SLC35F3: variants seen among roughly 807,000 people sequenced by gnomAD.
SLC35F3 encodes the protein putative thiamine transporter SLC35F3.
Under a neutral mutation model 49.9 loss-of-function variants are expected in SLC35F3, and 25 were observed. The observed-to-expected ratio is 0.50, with a 90% CI of 0.37 to 0.70. SLC35F3 has a LOEUF of 0.70. Among genes scored for constraint, SLC35F3 ranks in the 30% least tolerant of loss-of-function variants. The pLI is 0.00. For missense variants in SLC35F3, 525 were observed against 639.8 expected, an observed-to-expected ratio of 0.82 and a Z score of 1.94; for synonymous variants, 275 against 265.4, an observed-to-expected ratio of 1.04 and a Z score of -0.35.
rs138090266 is a variant in SLC35F3, at chr1:234,235,681, G to A, written c.608+3940G>A. Among the ~76,000 whole-genome samples, 19 of 152,308 alleles carry A rather than the reference G, an allele frequency of 1.2e-4. No individual in the cohort carries two copies. The East Asian group carries it at 1.3e-3, about 11-fold the overall frequency. ...CATGCAGCTGCCAAAAAAAGTGAAC[G>A]GTGCAGTGGTGACAGATGTTTTTCT... On this transcript the variant is annotated intron_variant, in intron 3 of 7. Transcript: ENST00000366618.
chr1:234,048,925 A>G (rs1664333522), intron 2 of SLC35F3, among the ~76,000 whole-genome samples: 2 of 152,106 alleles, frequency 1.3e-5, no homozygotes, highest in South Asian at 4.2e-4. Context: ...GGGAATGTCT[A>G]TCCTGTGCCT....
chr1:234,118,912 C>T (rs1378507893), intron 2 of SLC35F3, among the ~76,000 whole-genome samples: 2 of 149,632 alleles, frequency 1.3e-5, no homozygotes, highest in East Asian at 2.0e-4. Context: ...AAACCTCTTG[C>T]ACTACCTGAA....
At chr1:233,980,661 C>T (rs747771897) in intron 2 of SLC35F3, among the ~76,000 whole-genome samples, 3 of 152,092 alleles carry the variant, frequency 2.0e-5, no homozygotes, top group African/African-American at 7.2e-5. Context: ...AATTTCCAAA[C>T]GGAATGATGT....
rs533450564 is a variant in SLC35F3 at position 234,056,440 on chromosome 1, A to G, written c.283+150682A>G. 4.1e-4 allele frequency among the ~76,000 whole-genome samples: 62 copies of G among 152,204 alleles called. 1 individual carries two copies. The highest frequency in any genetic ancestry group is 1.6e-4 in the Non-Finnish European group (11 of 68,032). ...AACTCAATGTATATTAGTACATGGT[A>G]TCTGTGCAACTATCACCACAGTCCA... is the stretch of plus-strand genomic sequence containing the variant. On this transcript the variant is annotated intron_variant, in intron 2 of 7. Transcript: ENST00000366618.
At chr1:234,179,820 T>C (rs192018855) in intron 2 of SLC35F3, among the ~76,000 whole-genome samples, 3 of 152,300 alleles carry the variant, frequency 2.0e-5, no homozygotes, top group East Asian at 1.9e-4. Flanking sequence ...GAAGCATTTA[T>C]CTGAGACTGA....
chr1:234,100,327 T>C (rs1367368345), intron 2 of SLC35F3, among the ~76,000 whole-genome samples: 1 of 152,232 alleles, frequency 6.6e-6, no homozygotes, highest in Non-Finnish European at 1.5e-5. Context: ...CCTCAGGCTT[T>C]GCTACAATAT....
chr1:234,312,902 G>T (rs1657394813), intron 4 of SLC35F3, among the ~76,000 whole-genome samples: 2 of 151,778 alleles, frequency 1.3e-5, no homozygotes, highest in Non-Finnish European at 2.9e-5. Context: ...GCAGAGACAG[G>T]ATCTCACTAT....
chr1:234,050,623 C>T (rs1477622040), intron 2 of SLC35F3, among the ~76,000 whole-genome samples: 2 of 152,162 alleles, frequency 1.3e-5, no homozygotes, highest in Admixed American at 6.5e-5. Context: ...TTTTGCTGTG[C>T]AGAAGCTCTT....
At chr1:233,963,450 G>A (rs530570704) in intron 2 of SLC35F3, among the ~76,000 whole-genome samples, 5 of 152,080 alleles carry the variant, frequency 3.3e-5, no homozygotes, top group South Asian at 2.1e-4. Flanking sequence ...ACAGGAACCC[G>A]CCACCACGCC....
intron 2 of SLC35F3, among the ~76,000 whole-genome samples, chr1:233,911,799 T>C (rs2102782491): frequency 6.6e-6 from 1 of 152,292 alleles, no homozygotes; most frequent in South Asian, 2.1e-4. Context: ...AGTACGCATA[T>C]GGTGGTGATG....
intron 2 of SLC35F3, among the ~76,000 whole-genome samples, chr1:234,180,443 G>T (rs138269308): frequency 6.6e-6 from 1 of 152,288 alleles, no homozygotes; most frequent in East Asian, 1.9e-4. Context: ...GCAGCTGAGA[G>T]CACACTCCTC....
At chr1:234,182,509 T>G (rs1227779815) in intron 2 of SLC35F3, among the ~76,000 whole-genome samples, 1 of 152,374 alleles carries the variant, frequency 6.6e-6, no homozygotes, top group East Asian at 1.9e-4. Flanking sequence ...CTTCTCCTAT[T>G]GGTGGGTATT....
At chr1:234,152,118 A>AG (rs34013941) in intron 2 of SLC35F3, among the ~76,000 whole-genome samples, 31,838 of 151,068 alleles carry the variant, frequency 0.21, 5,106 homozygotes, top group East Asian at 0.76. Context: ...AATTTATTTG[A>AG]CACATAGGAA....
In SLC35F3 at chr1:234,306,575, T is replaced by C. The variant is rs1001775599; in HGVS notation, c.609-2526T>C. 5.2e-5 allele frequency: 8 copies of C among 152,396 alleles called. No homozygotes were observed. The East Asian group carries it at 1.5e-3, about 29-fold the overall frequency. The allele number at this position is 152,396 out of a possible 1,614,324, so 9.4% of individuals were successfully genotyped here. ...CACCAGTCCAGGGGGCCAATTGTCT[T>C]GGTCTCATTAGAACCAAGACCTACC... is the stretch of plus-strand genomic sequence containing the variant. On this transcript the variant is annotated intron_variant, in intron 3 of 7. Coordinates refer to ENST00000366618, the MANE Select transcript of SLC35F3 (RefSeq NM_173508.4).
intron 2 of SLC35F3, among the ~76,000 whole-genome samples, chr1:234,109,150 G>A (rs1002990335): frequency 3.9e-5 from 6 of 152,132 alleles, no homozygotes; most frequent in Non-Finnish European, 8.8e-5. Flanking sequence ...ATTGTTTGCA[G>A]TAAGAGTGAG....
chr1:233,963,094 C>T (rs1350063220), intron 2 of SLC35F3, among the ~76,000 whole-genome samples: 2 of 152,150 alleles, frequency 1.3e-5, no homozygotes, highest in Admixed American at 6.5e-5. Context: ...TTCCAGCCCT[C>T]GGTAGCTATC....
intron 2 of SLC35F3, among the ~76,000 whole-genome samples, chr1:234,006,850 ATTCACT>A (rs1466546018): frequency 1.3e-5 from 2 of 152,118 alleles, no homozygotes; most frequent in Non-Finnish European, 2.9e-5. Flanking sequence ...TCCTGTGGCT[ATTCACT>A]TGTATATTAA....
intron 3 of SLC35F3, among the ~76,000 whole-genome samples, chr1:234,256,924 C>T (rs910021135): frequency 7.2e-5 from 11 of 152,240 alleles, no homozygotes; most frequent in Middle Eastern, 3.2e-3. Flanking sequence ...CCAGTGGCCA[C>T]GCTTCAGGCT....
At chr1:234,089,822 G>T (rs1218928524) in intron 2 of SLC35F3, among the ~76,000 whole-genome samples, 1 of 152,048 alleles carries the variant, frequency 6.6e-6, no homozygotes, top group African/African-American at 2.4e-5. Context: ...AAGTGAGAGA[G>T]AAGTGGCATA....
Sources: gnomAD v4.1 joint callset for allele counts (sites outside exome capture counted in the v4.1 genomes callset) on GRCh38, gnomAD v4.1.1 for gene constraint, MANE v1.5 for transcripts, NCBI Gene and HGNC (gene_info 2026-07-23, HGNC 2026-07-21) for gene names.